Variants in AGBL3 observed in about 807,000 individuals in gnomAD.
The protein encoded by AGBL3 is cytosolic carboxypeptidase 3.
AGBL3 carries 68 observed loss-of-function variants against 94.5 expected under a neutral mutation model. The observed-to-expected ratio is 0.72, with a 90% CI of 0.59 to 0.88. The LOEUF is 0.88. AGBL3 is among the 40% of genes least tolerant of loss of function. AGBL3 has a pLI of 0.00. For missense variants in AGBL3, 934 were observed against 1,103.8 expected, an observed-to-expected ratio of 0.85 and a Z score of 2.18; for synonymous variants, 354 against 370.7, an observed-to-expected ratio of 0.95 and a Z score of 0.52.
At chr7:135,129,667 T>G in intron 16 of AGBL3, 1 of 778,670 alleles carries the variant, frequency 1.3e-6, no homozygotes, top group Non-Finnish European at 2.4e-6. Flanking sequence ...GATGAAGATA[T>G]TTGGGAAGAT....
chr7:135,088,461 T>C (rs1563251665), intron 15 of AGBL3, among the ~76,000 whole-genome samples: 1 of 152,160 alleles, frequency 6.6e-6, no homozygotes, highest in Non-Finnish European at 1.5e-5. Flanking sequence ...CTTTTGTGTA[T>C]CTGTTCTGCC....
intron 14 of AGBL3, among the ~76,000 whole-genome samples, chr7:135,081,286 A>G (rs952634269): frequency 1.3e-5 from 2 of 152,162 alleles, no homozygotes; most frequent in African/African-American, 2.4e-5. Context: ...TGAATCACAT[A>G]ATCATCGCAT....
chr7:135,116,766 A>G (rs1486755983), intron 16 of AGBL3, among the ~76,000 whole-genome samples: 1 of 152,168 alleles, frequency 6.6e-6, no homozygotes, highest in African/African-American at 2.4e-5. Flanking sequence ...GAGTGAGGGC[A>G]CTGTTTATCT....
chr7:135,021,040 T>G (rs943554161), intron 5 of AGBL3, among the ~76,000 whole-genome samples: 1 of 94,486 alleles, frequency 1.1e-5, no homozygotes, highest in African/African-American at 3.7e-5. Context: ...ACATGTACCC[T>G]AGAACTTAAA....
intron 15 of AGBL3, among the ~76,000 whole-genome samples, chr7:135,104,628 C>A (rs1429211286): frequency 1.3e-5 from 2 of 152,044 alleles, no homozygotes; most frequent in African/African-American, 4.8e-5. Flanking sequence ...ATTCTGACTG[C>A]TGTGAGATGG....
At chr7:135,080,340 T>C (rs778382279) in intron 14 of AGBL3, 80 bp downstream of exon 14, 108 of 1,139,978 alleles carry the variant, frequency 9.5e-5, no homozygotes, top group Middle Eastern at 1.9e-4. Flanking sequence ...AACTTTGAGG[T>C]TGCCACTGTG....
At chr7:135,011,093 G>A (rs1011116648) in intron 4 of AGBL3, 8 of 152,146 alleles carry the variant, frequency 5.3e-5, no homozygotes, top group Non-Finnish European at 8.8e-5. Context: ...AAGGAAACAG[G>A]AATGGAATAG....
intron 13 of AGBL3, among the ~76,000 whole-genome samples, chr7:135,077,622 G>A (rs1342887418): frequency 6.6e-6 from 1 of 152,120 alleles, no homozygotes; most frequent in African/African-American, 2.4e-5. Context: ...ATTACTGGTG[G>A]AAGTTATCTT....
intron 10 of AGBL3, 27 bp from the exon 11 acceptor site, chr7:135,045,772 A>C: frequency 6.9e-7 from 1 of 1,454,434 alleles, no homozygotes; most frequent in Non-Finnish European, 9.4e-7. Flanking sequence ...TTATTTCATA[A>C]TGAGCTCATT....
chr7:135,007,059 G>A lies in AGBL3; in HGVS notation c.311-9993G>A, dbSNP rs964530183. 6.6e-5 allele frequency among the ~76,000 whole-genome samples: 10 copies of A among 151,778 alleles called. No individual in the cohort carries two copies. The South Asian group carries it at 8.3e-4, about 13-fold the overall frequency. ...AATAGAAAAACTACTACAGAGAGTC[G>A]CTTAAACCCAAATAGCTTCATTGCT... On this transcript the variant is annotated intron_variant, in intron 4 of 16. Transcript: ENST00000436302.
intron 13 of AGBL3, among the ~76,000 whole-genome samples, chr7:135,078,672 A>G (rs1820672871): frequency 1.3e-5 from 2 of 152,194 alleles, no homozygotes; most frequent in Non-Finnish European, 2.9e-5. Flanking sequence ...GGAGCTTTTA[A>G]AATTGTATGA....
chr7:135,128,358 G>T, intron 16 of AGBL3: 8 of 322,808 alleles, frequency 2.5e-5, no homozygotes, highest in Non-Finnish European at 4.6e-5. Context: ...TTTGTAAACT[G>T]TCATGGCCCT....
At chr7:135,003,577 A>T (rs192816817) in intron 4 of AGBL3, among the ~76,000 whole-genome samples, 2 of 151,892 alleles carry the variant, frequency 1.3e-5, no homozygotes, top group East Asian at 3.9e-4. Context: ...ATACTTTTAA[A>T]ATTGCACCTT....
intron 5 of AGBL3, among the ~76,000 whole-genome samples, chr7:135,018,246 C>T (rs757615129): frequency 3.9e-5 from 6 of 152,128 alleles, no homozygotes; most frequent in Non-Finnish European, 7.4e-5. Flanking sequence ...AGGGCAGCCT[C>T]GAAACAACTG....
At chr7:135,012,057 A>G (rs1170554342) in intron 4 of AGBL3, 1 of 152,210 alleles carries the variant, frequency 6.6e-6, no homozygotes, top group Non-Finnish European at 1.5e-5. Context: ...AACATTTTGT[A>G]CAATATTATA....
At chr7:135,040,319 A>G (rs1338476534) in intron 8 of AGBL3, among the ~76,000 whole-genome samples, 2 of 152,182 alleles carry the variant, frequency 1.3e-5, no homozygotes, top group African/African-American at 4.8e-5. Context: ...ATAGTACAAG[A>G]AAAGAAAACT....
In AGBL3 at chr7:135,034,419, T is replaced by C. The variant is rs765156663; in HGVS notation, c.828T>C (p.His276=). ...ACAACCCAGGCCAAGATGGGCGCCA[T>C]TATTTCTCTCTTACATGGACATTTC... ...YRNNPGQDGR[H]YFSLTWTFQF... is the part of the protein sequence containing the mutation. Residue 276 remains histidine, a synonymous_variant, in exon 7 of 17, where the codon CAT becomes CAC. Transcript: ENST00000436302. 3 of 1,551,742 alleles carry C rather than the reference T, an allele frequency of 1.9e-6. No homozygotes were observed. The highest frequency in any genetic ancestry group is 2.6e-6 in the Non-Finnish European group (3 of 1,146,996).
chr7:135,006,997 T>G (rs958390220), intron 4 of AGBL3, among the ~76,000 whole-genome samples: 6 of 151,948 alleles, frequency 3.9e-5, no homozygotes, highest in African/African-American at 1.4e-4. Context: ...ATAGAACATC[T>G]AAATAGACAT....
chr7:135,026,248 T>TTTTATTTTATTTTTTTTATTTTA, intron 5 of AGBL3, among the ~76,000 whole-genome samples: 1 of 113,712 alleles, frequency 8.8e-6, no homozygotes, highest in Admixed American at 8.8e-5. Flanking sequence ...AATACCATTA[T>TTTTATTTTATTTTTTTTATTTTA]TTTATTTTAT....
Sources: gnomAD v4.1 joint callset for allele counts (sites outside exome capture counted in the v4.1 genomes callset) on GRCh38, gnomAD v4.1.1 for gene constraint, MANE v1.5 for transcripts, NCBI Gene and HGNC (gene_info 2026-07-23, HGNC 2026-07-21) for gene names.